The following FLT1 variants were observed in gnomAD, a reference collection of about 807,000 sequenced individuals.
FLT1 encodes vascular endothelial growth factor receptor 1.
In FLT1, 49 loss-of-function variants were observed where a neutral mutation model predicts 156.3. The ratio of observed to expected loss-of-function variants is 0.31; its 90% CI spans 0.25 to 0.40. The LOEUF (loss-of-function observed/expected upper bound fraction) is 0.40. FLT1 is among the 10% of genes least tolerant of loss of function. The pLI, the probability that FLT1 is intolerant of heterozygous loss-of-function variation, is 1.00. For missense variants in FLT1, 1,322 were observed against 1,637.2 expected (o/e 0.81, Z 3.32); for synonymous variants, 594 against 583.8 (o/e 1.02, Z -0.25).
intron 10 of FLT1, among the ~76,000 whole-genome samples, chr13:28,418,785 C>T (rs114837595): frequency 4.6e-5 from 7 of 151,772 alleles, no homozygotes; most frequent in East Asian, 3.9e-4. Context: ...TTGCCCAGAC[C>T]GGTCTCTGCA....
intron 11 of FLT1, among the ~76,000 whole-genome samples, chr13:28,398,125 GA>G (rs1407752204): frequency 1.3e-5 from 2 of 152,058 alleles, no homozygotes; most frequent in Non-Finnish European, 2.9e-5. Flanking sequence ...TAATCTATAT[GA>G]AAAAAATGAG....
At chr13:28,390,516 T>C (rs1456540015) in intron 12 of FLT1, among the ~76,000 whole-genome samples, 3 of 152,102 alleles carry the variant, frequency 2.0e-5, no homozygotes, top group African/African-American at 7.2e-5. Flanking sequence ...CTGCCTCAGC[T>C]TCTAGAGTAG....
intron 3 of FLT1, among the ~76,000 whole-genome samples, chr13:28,457,981 C>CTG (rs1476944841): frequency 7.1e-6 from 1 of 140,920 alleles, no homozygotes; most frequent in Non-Finnish European, 1.5e-5. Flanking sequence ...ATCGCCCAGG[C>CTG]TGGAGTGCAG....
intron 1 of FLT1, among the ~76,000 whole-genome samples, chr13:28,473,205 T>C (rs1423194759): frequency 6.6e-6 from 1 of 152,222 alleles, no homozygotes; most frequent in Non-Finnish European, 1.5e-5. Flanking sequence ...AATTCCTCGA[T>C]GGTTAAACAT....
chr13:28,374,756 G>A (rs967738066), intron 14 of FLT1, among the ~76,000 whole-genome samples: 2 of 151,900 alleles, frequency 1.3e-5, no homozygotes, highest in Non-Finnish European at 2.9e-5. Flanking sequence ...CTTGTGATCC[G>A]CCCACCTCGG....
At chr13:28,480,660 T>C (rs926496412) in intron 1 of FLT1, among the ~76,000 whole-genome samples, 3 of 152,240 alleles carry the variant, frequency 2.0e-5, no homozygotes, top group Non-Finnish European at 4.4e-5. Flanking sequence ...AAGTGTTTTC[T>C]TCTAACAGTT....
intron 14 of FLT1, among the ~76,000 whole-genome samples, chr13:28,381,299 G>A (rs2137443349): frequency 6.6e-6 from 1 of 152,320 alleles, no homozygotes; most frequent in East Asian, 1.9e-4. Context: ...GGTCACACCT[G>A]TAATCCCAGC....
At position 28,390,026 on chromosome 13, in the gene FLT1, T is replaced by C; in HGVS notation, c.1739A>G (p.Asn580Ser). The C allele has an allele frequency of 6.2e-7, 1 of 1,614,208 alleles. No individual in the cohort carries two copies. Among genetic ancestry groups the C allele is most frequent in the African/African-American group, 1.3e-5 (1 of 75,062 alleles). Residue 580 changes from asparagine (N) to serine (S), a missense_variant, in exon 13 of 30, where the codon AAC becomes AGC. Asn to Ser is a conservative substitution (Grantham distance 46). This residue lies in a region of FLT1 where 991 missense variants were observed against 1,254.8 expected (regional missense o/e 0.79). Transcript: ENST00000282397. ...AGTAACGTCTCTGTATAAGAACTTG[T>C]TAACTGTGCAAGACAGTTTCAGGTC... ...GEDLKLSCTVNKFLYRDVTWI... is the reference protein window; with the variant it reads ...GEDLKLSCTVSKFLYRDVTWI...
intron 11 of FLT1, among the ~76,000 whole-genome samples, chr13:28,400,113 C>T (rs1875342680): frequency 6.6e-6 from 1 of 152,218 alleles, no homozygotes; most frequent in African/African-American, 2.4e-5. Flanking sequence ...TGCTTCTCGC[C>T]TTGAGACTCT....
chr13:28,464,164 ATATG>A (rs1268079506), intron 3 of FLT1, among the ~76,000 whole-genome samples: 6 of 152,244 alleles, frequency 3.9e-5, no homozygotes, highest in South Asian at 2.1e-4. Context: ...TATTCGTAGT[ATATG>A]TATGTATGTA....
chr13:28,341,945 T>C (rs539554617), intron 16 of FLT1, among the ~76,000 whole-genome samples: 58 of 152,290 alleles, frequency 3.8e-4, no homozygotes, highest in Non-Finnish European at 7.6e-4. Flanking sequence ...TGCAGCGATA[T>C]GATCTCAGCT....
In FLT1 at chr13:28,311,707, T is replaced by C. The variant is rs1871011817; in HGVS notation, c.3518A>G (p.Asn1173Ser). ...CCCACTATTTCCTGTCAGTATGGCA[T>C]TGATTGGGATGTAGTCTTTACCATC... ...QQDGKDYIPI[N>S]AILTGNSGFT... Residue 1173 changes from asparagine (N) to serine (S), a missense_variant, in exon 27 of 30, where the codon AAT (asparagine) becomes AGT (serine). Coordinates refer to ENST00000282397, the MANE Select transcript of FLT1 (RefSeq NM_002019.4). The C allele has an allele frequency of 6.2e-7, 1 of 1,614,064 alleles. No individual in the cohort carries two copies. Among genetic ancestry groups the C allele is most frequent in the Non-Finnish European group, 8.5e-7 (1 of 1,179,962 alleles).
At chr13:28,412,983 G>A (rs112598264) in intron 10 of FLT1, among the ~76,000 whole-genome samples, 2,203 of 152,226 alleles carry the variant, frequency 0.014, 46 homozygotes, top group African/African-American at 0.05. Context: ...AAAAGGGCCT[G>A]GGCCTTCAGG....
chr13:28,431,431 A>T (rs1877676712), intron 6 of FLT1, 121 bp from the exon 7 acceptor site: 1 of 740,588 alleles, frequency 1.4e-6, no homozygotes, highest in African/African-American at 1.8e-5. Flanking sequence ...ACTAAGAATC[A>T]TGTCAAATCC....
intron 1 of FLT1, among the ~76,000 whole-genome samples, chr13:28,483,878 T>C (rs1456655479): frequency 1.3e-5 from 2 of 152,248 alleles, no homozygotes; most frequent in Non-Finnish European, 2.9e-5. Flanking sequence ...CTTTAATTCC[T>C]AGATTTAATC....
intron 1 of FLT1, among the ~76,000 whole-genome samples, chr13:28,485,072 A>G (rs1274740614): frequency 6.6e-6 from 1 of 152,162 alleles, no homozygotes; most frequent in Non-Finnish European, 1.5e-5. Context: ...CCTAAAACTT[A>G]AAGTATAAAA....
chr13:28,348,132 A>G (rs1872625071), intron 15 of FLT1, among the ~76,000 whole-genome samples: 1 of 152,168 alleles, frequency 6.6e-6, no homozygotes, highest in Admixed American at 6.6e-5. Context: ...TTGGATCATT[A>G]AATTATCAGC....
intron 20 of FLT1, among the ~76,000 whole-genome samples, chr13:28,324,187 C>T (rs1056439038): frequency 6.6e-6 from 1 of 152,164 alleles, no homozygotes; most frequent in Non-Finnish European, 1.5e-5. Flanking sequence ...AAACCTAGCA[C>T]TTTCAGTGGC....
intron 1 of FLT1, among the ~76,000 whole-genome samples, chr13:28,489,966 AAG>A (rs1881381761): frequency 6.6e-6 from 1 of 152,250 alleles, no homozygotes; most frequent in Non-Finnish European, 1.5e-5. Context: ...GTCATTTCGA[AAG>A]AAATTTTAGC....
Sources: gnomAD v4.1 joint callset for allele counts (sites outside exome capture counted in the v4.1 genomes callset) on GRCh38, gnomAD v4.1.1 for gene constraint, gnomAD v4.1.1 regional missense constraint, MANE v1.5 for transcripts, NCBI Gene and HGNC (gene_info 2026-07-23, HGNC 2026-07-21) for gene names.